Variants in EPHA5 observed in about 807,000 individuals in gnomAD.
EPHA5 encodes the protein ephrin type-A receptor 5.
In EPHA5, 60 loss-of-function variants were observed where a neutral mutation model predicts 105.0. The observed-to-expected ratio is 0.57, with a 90% CI of 0.46 to 0.71. The LOEUF is 0.71. EPHA5 is among the 30% of genes least tolerant of loss of function. The pLI, the probability that EPHA5 is intolerant of heterozygous loss-of-function variation, is 0.00. For synonymous variants in EPHA5, 513 were observed against 449.1 expected, an observed-to-expected ratio of 1.14 and a Z score of -1.80; for missense variants, 1,218 against 1,274.7, an observed-to-expected ratio of 0.96 and a Z score of 0.68.
chr4:65,362,799 T>G (rs1429142773), intron 11 of EPHA5, among the ~76,000 whole-genome samples: 2 of 151,724 alleles, frequency 1.3e-5, no homozygotes, highest in Non-Finnish European at 3.0e-5. Flanking sequence ...AATAAAGGTC[T>G]GTAAAATATA....
At chr4:65,535,582 TTATTA>T (rs1736214190) in intron 3 of EPHA5, among the ~76,000 whole-genome samples, 1 of 152,164 alleles carries the variant, frequency 6.6e-6, no homozygotes. Flanking sequence ...TTACACTTAG[TTATTA>T]TATTATTTGT....
rs746568518 is a variant in EPHA5, at chr4:65,490,477, G to A, written c.1302C>T (p.His434=). The A allele has an allele frequency of 2.3e-5, 37 of 1,614,080 alleles. No individual in the cohort carries two copies. The highest frequency in any genetic ancestry group is 3.0e-5 in the Non-Finnish European group (35 of 1,180,042). The change falls in exon 5 of 17, where the codon CAC becomes CAT. Residue 434 remains histidine, a synonymous_variant. Coordinates refer to ENST00000613740, the MANE Select transcript of EPHA5 (RefSeq NM_001281766.3). ...TSVMMVDLLA[H]TNYTFEIEAV... Reference sequence around the variant, plus strand: ...CCTCAATCTCAAAGGTATAGTTTGTGTGAGCGAGTAGATCCACCATCATGA... The same window carrying A: ...CCTCAATCTCAAAGGTATAGTTTGTATGAGCGAGTAGATCCACCATCATGA...
chr4:65,391,389 T>C (rs1720703270), intron 8 of EPHA5, among the ~76,000 whole-genome samples: 1 of 152,006 alleles, frequency 6.6e-6, no homozygotes, highest in Non-Finnish European at 1.5e-5. Context: ...AAACATTTTC[T>C]TTTTTTCCTG....
intron 5 of EPHA5, among the ~76,000 whole-genome samples, chr4:65,483,988 C>T (rs1730634575): frequency 6.6e-6 from 1 of 152,182 alleles, no homozygotes; most frequent in Non-Finnish European, 1.5e-5. Context: ...CTTACCTATT[C>T]AGTCTACATG....
intron 1 of EPHA5, among the ~76,000 whole-genome samples, chr4:65,662,014 C>G (rs1039541088): frequency 6.6e-6 from 1 of 151,988 alleles, no homozygotes; most frequent in Non-Finnish European, 1.5e-5. Context: ...ACACACAGTC[C>G]AAAATCTTGA....
intron 5 of EPHA5, among the ~76,000 whole-genome samples, chr4:65,466,376 A>G (rs1177350614): frequency 6.6e-6 from 1 of 152,242 alleles, no homozygotes; most frequent in Admixed American, 6.5e-5. Flanking sequence ...GTGAGAAAGC[A>G]TTGGGAGACG....
intron 5 of EPHA5, among the ~76,000 whole-genome samples, chr4:65,476,963 T>C (rs914450590): frequency 2.0e-5 from 3 of 152,150 alleles, no homozygotes; most frequent in African/African-American, 7.2e-5. Flanking sequence ...GTTTAAAACA[T>C]ATTATTTACC....
chr4:65,409,901 T>C (rs971472033), intron 7 of EPHA5, among the ~76,000 whole-genome samples: 5 of 152,124 alleles, frequency 3.3e-5, no homozygotes, highest in Non-Finnish European at 5.9e-5. Context: ...AAATAAATAA[T>C]GACAATTCCA....
At chr4:65,574,723 T>TATATATAC (rs1268517533) in intron 3 of EPHA5, among the ~76,000 whole-genome samples, 19 of 111,700 alleles carry the variant, frequency 1.7e-4, no homozygotes, top group African/African-American at 5.0e-4. Context: ...TATATATACA[T>TATATATAC]ATATATACAT....
intron 3 of EPHA5, among the ~76,000 whole-genome samples, chr4:65,512,475 T>C (rs1423594757): frequency 3.3e-5 from 5 of 152,042 alleles, no homozygotes; most frequent in Non-Finnish European, 7.4e-5. Context: ...TCATGAATGG[T>C]GAACCGCCAT....
intron 5 of EPHA5, among the ~76,000 whole-genome samples, chr4:65,453,311 T>G (rs1395209097): frequency 6.6e-6 from 1 of 152,222 alleles, no homozygotes; most frequent in Non-Finnish European, 1.5e-5. Context: ...TTTTACAATC[T>G]GTCACGTCTT....
chr4:65,624,734 A>AAAG (rs1267311562), intron 2 of EPHA5, among the ~76,000 whole-genome samples: 6 of 152,322 alleles, frequency 3.9e-5, no homozygotes, highest in East Asian at 1.9e-4. Flanking sequence ...TTTCATAATG[A>AAAG]AAGCAAAGGA....
At chr4:65,667,139 T>C (rs1750034095) in intron 1 of EPHA5, among the ~76,000 whole-genome samples, 1 of 152,084 alleles carries the variant, frequency 6.6e-6, no homozygotes. Flanking sequence ...AACAAACAAA[T>C]TGGAAAACTC....
chr4:65,659,267 T>C (rs559541589), intron 1 of EPHA5, among the ~76,000 whole-genome samples: 2 of 131,152 alleles, frequency 1.5e-5, no homozygotes, highest in African/African-American at 2.8e-5. Flanking sequence ...ATATAGAGTG[T>C]CTGGTCTGGG....
chr4:65,652,743 A>G (rs915146429), intron 1 of EPHA5, among the ~76,000 whole-genome samples: 3 of 152,150 alleles, frequency 2.0e-5, no homozygotes, highest in Non-Finnish European at 2.9e-5. Flanking sequence ...ATTTTATTGT[A>G]TATCAGATGA....
At chr4:65,465,374 C>T (rs544343881) in intron 5 of EPHA5, among the ~76,000 whole-genome samples, 9 of 150,896 alleles carry the variant, frequency 6.0e-5, no homozygotes, top group African/African-American at 1.5e-4. Flanking sequence ...TGCAGTGAGC[C>T]GAGATCGTGC....
chr4:65,568,429 T>A (rs1739782440), intron 3 of EPHA5, among the ~76,000 whole-genome samples: 2 of 151,502 alleles, frequency 1.3e-5, no homozygotes, highest in Admixed American at 1.3e-4. Flanking sequence ...CAATTTGTTA[T>A]AAAATATCAA....
Position 65,360,889 on chromosome 4 carries a change from T to C in EPHA5, c.2173+4128A>G, listed in dbSNP as rs575157723. Among the ~76,000 whole-genome samples, 23 of 151,682 alleles carry C rather than the reference T, an allele frequency of 1.5e-4. 1 individual carries two copies. In the South Asian group the frequency reaches 4.3e-3, roughly 29 times the overall value. On this transcript the variant is annotated intron_variant, in intron 11 of 16. Coordinates refer to ENST00000613740, the MANE Select transcript of EPHA5 (RefSeq NM_001281766.3). ...AGACACAAAGGGGGTGACAAACCTATGCTAGTTTCAACGAGCTCATTGCAT... is the reference window on the plus strand; with the variant it reads ...AGACACAAAGGGGGTGACAAACCTACGCTAGTTTCAACGAGCTCATTGCAT...
At chr4:65,376,469 T>C (rs979079580) in intron 8 of EPHA5, among the ~76,000 whole-genome samples, 1 of 152,044 alleles carries the variant, frequency 6.6e-6, no homozygotes, top group Non-Finnish European at 1.5e-5. Context: ...AGTGAGAATA[T>C]CACTTCTGAT....
Sources: gnomAD v4.1 joint callset for allele counts (sites outside exome capture counted in the v4.1 genomes callset) on GRCh38, gnomAD v4.1.1 for gene constraint, MANE v1.5 for transcripts, NCBI Gene and HGNC (gene_info 2026-07-23, HGNC 2026-07-21) for gene names.